The following CCDC85A variants were observed in gnomAD, a reference collection of about 807,000 sequenced individuals.
CCDC85A encodes the protein coiled-coil domain-containing protein 85A.
In CCDC85A, 38 loss-of-function variants were observed where a neutral mutation model predicts 50.2. The ratio of observed to expected loss-of-function variants is 0.76; its 90% CI spans 0.58 to 0.99. The LOEUF (loss-of-function observed/expected upper bound fraction) is 0.99, where lower values mean the gene tolerates loss of function less well. CCDC85A is among the 50% of genes least tolerant of loss of function. CCDC85A has a pLI of 0.00. For missense variants in CCDC85A, 820 were observed against 742.0 expected (o/e 1.11, Z -1.22); for synonymous variants, 366 against 301.4 (o/e 1.21, Z -2.22).
At chr2:56,247,747 A>G (rs1487419719) in intron 2 of CCDC85A, among the ~76,000 whole-genome samples, 4 of 152,354 alleles carry the variant, frequency 2.6e-5, no homozygotes, top group Middle Eastern at 3.4e-3. Flanking sequence ...CAGAAGATAG[A>G]TGATATATTT....
intron 2 of CCDC85A, among the ~76,000 whole-genome samples, chr2:56,227,529 T>A (rs949267675): frequency 4.6e-5 from 7 of 152,180 alleles, no homozygotes; most frequent in Admixed American, 2.6e-4. Context: ...CCTTTCGGGC[T>A]ACGTAGATGG....
chr2:56,275,846 TGAGAATCAG>T (rs1188617505), intron 2 of CCDC85A, among the ~76,000 whole-genome samples: 1 of 152,242 alleles, frequency 6.6e-6, no homozygotes, highest in African/African-American at 2.4e-5. Flanking sequence ...TTCTCACTTC[TGAGAATCAG>T]GAGGCAAAAG....
At chr2:56,260,361 C>T (rs2104019644) in intron 2 of CCDC85A, among the ~76,000 whole-genome samples, 1 of 152,322 alleles carries the variant, frequency 6.6e-6, no homozygotes, top group Non-Finnish European at 1.5e-5. Context: ...GACAGGGAAC[C>T]ACAAGAATCT....
intron 2 of CCDC85A, among the ~76,000 whole-genome samples, chr2:56,252,263 G>T (rs1394391195): frequency 6.6e-6 from 1 of 151,996 alleles, no homozygotes; most frequent in Admixed American, 6.5e-5. Flanking sequence ...GGCCAGGCTG[G>T]TATCGAATAC....
intron 2 of CCDC85A, among the ~76,000 whole-genome samples, chr2:56,266,809 T>G (rs1293119095): frequency 6.6e-6 from 1 of 152,182 alleles, no homozygotes; most frequent in Non-Finnish European, 1.5e-5. Flanking sequence ...CCCTTAGTTA[T>G]GTCCTCTTTA....
intron 2 of CCDC85A, among the ~76,000 whole-genome samples, chr2:56,197,380 G>A (rs1220341613): frequency 6.6e-6 from 1 of 152,142 alleles, no homozygotes; most frequent in African/African-American, 2.4e-5. Flanking sequence ...GGTTGCGGGG[G>A]GTTGTAGGGA....
rs976384698 is a variant in CCDC85A at position 56,385,781 on chromosome 2, A to G, written c.*1426A>G. On this transcript the variant is annotated 3_prime_UTR_variant, in exon 6 of 6. Transcript: ENST00000407595. Reference sequence around the variant, plus strand: ...ATGTTACTGTGATGAAAAATCATCTATTTTCAGAAAATATTTATGAATTAA... The same window carrying G: ...ATGTTACTGTGATGAAAAATCATCTGTTTTCAGAAAATATTTATGAATTAA... The G allele has an allele frequency of 1.3e-5, 2 of 151,722 alleles. No homozygotes were observed. The highest frequency in any genetic ancestry group is 2.4e-5 in the African/African-American group (1 of 41,384). 9.4% of individuals were successfully genotyped at this position (151,722 alleles called of 1,614,324 possible).
chr2:56,273,313 G>T (rs1201159211), intron 2 of CCDC85A, among the ~76,000 whole-genome samples: 1 of 152,026 alleles, frequency 6.6e-6, no homozygotes, highest in Non-Finnish European at 1.5e-5. Context: ...ACTGAAAGAC[G>T]TGTTTCTAAA....
At chr2:56,209,435 TC>T (rs1222245705) in intron 2 of CCDC85A, among the ~76,000 whole-genome samples, 1,522 of 150,980 alleles carry the variant, frequency 0.01, 14 homozygotes, top group Middle Eastern at 0.027. Flanking sequence ...TTTTTTTTTT[TC>T]TCCTTTTTCT....
chr2:56,331,195 T>G (rs191401164), intron 2 of CCDC85A, among the ~76,000 whole-genome samples: 1 of 151,718 alleles, frequency 6.6e-6, no homozygotes, highest in African/African-American at 2.4e-5. Flanking sequence ...ATGGACAGAG[T>G]GTGGAATAAT....
intron 2 of CCDC85A, among the ~76,000 whole-genome samples, chr2:56,229,126 G>A (rs1016728719): frequency 2.0e-5 from 3 of 152,086 alleles, no homozygotes; most frequent in Non-Finnish European, 2.9e-5. Flanking sequence ...CTGTGACATG[G>A]GTACTTTTAC....
At chr2:56,330,133 T>G (rs886586293) in intron 2 of CCDC85A, among the ~76,000 whole-genome samples, 1 of 152,018 alleles carries the variant, frequency 6.6e-6, no homozygotes, top group Admixed American at 6.6e-5. Flanking sequence ...CTCTGGGAAA[T>G]GACAATAACA....
intron 3 of CCDC85A, among the ~76,000 whole-genome samples, chr2:56,350,020 G>A (rs1417651046): frequency 2.0e-5 from 3 of 150,968 alleles, no homozygotes; most frequent in African/African-American, 7.3e-5. Flanking sequence ...AAAATGGAAA[G>A]GGAATTATAA....
rs140416051 is a variant in CCDC85A, at chr2:56,244,824, G to T, written c.1240+51384G>T. Among the ~76,000 whole-genome samples the T allele has an allele frequency of 4.5e-3, 683 of 152,106 alleles. 4 individuals carry two copies. Among genetic ancestry groups the T allele is most frequent in the Non-Finnish European group, 8.4e-3 (568 of 68,000 alleles). ...ATTGAGTCTTTCCTTTGAAGCAGTG[G>T]GTTCCCTTCTGGCCAAGGGTGTTTC... On this transcript the variant is annotated intron_variant, in intron 2 of 5. Coordinates refer to ENST00000407595, the MANE Select transcript of CCDC85A (RefSeq NM_001080433.2).
intron 1 of CCDC85A, 41 bp downstream of exon 1, chr2:56,184,941 G>C: frequency 6.9e-7 from 1 of 1,450,810 alleles, no homozygotes; most frequent in Non-Finnish European, 9.0e-7. Flanking sequence ...GCGGCTGGGA[G>C]CGGGGTGCCC....
chr2:56,314,986 A>G (rs1409922429), intron 2 of CCDC85A, among the ~76,000 whole-genome samples: 5 of 152,028 alleles, frequency 3.3e-5, no homozygotes, highest in Non-Finnish European at 7.4e-5. Context: ...GTTGGTCTTA[A>G]AGTCAGCCTC....
At chr2:56,322,723 C>T (rs980233627) in intron 2 of CCDC85A, among the ~76,000 whole-genome samples, 1 of 152,064 alleles carries the variant, frequency 6.6e-6, no homozygotes, top group Non-Finnish European at 1.5e-5. Flanking sequence ...AACCATTGTG[C>T]AAGACAGTGT....
chr2:56,211,192 C>G (rs1024247283), intron 2 of CCDC85A, among the ~76,000 whole-genome samples: 1 of 151,964 alleles, frequency 6.6e-6, no homozygotes, highest in Admixed American at 6.6e-5. Flanking sequence ...TGAATGTTCC[C>G]TTTGGGGAAA....
chr2:56,307,635 A>G (rs1359534265), intron 2 of CCDC85A, among the ~76,000 whole-genome samples: 2 of 152,166 alleles, frequency 1.3e-5, no homozygotes, highest in African/African-American at 4.8e-5. Flanking sequence ...CCTTATAGTA[A>G]TTCCACAAAG....
Sources: allele counts gnomAD v4.1 joint callset (sites outside exome capture counted in the v4.1 genomes callset), GRCh38; gene constraint gnomAD v4.1.1; transcripts MANE v1.5; gene names NCBI Gene and HGNC (gene_info 2026-07-23, HGNC 2026-07-21).